The following DSE variants were observed in gnomAD, a reference collection of about 807,000 sequenced individuals.
DSE encodes dermatan-sulfate epimerase.
Under a neutral mutation model 84.4 loss-of-function variants are expected in DSE, and 36 were observed. The ratio of observed to expected loss-of-function variants is 0.43; its 90% CI spans 0.33 to 0.56. The LOEUF (loss-of-function observed/expected upper bound fraction) is 0.56. Among genes scored for constraint, DSE ranks in the 20% least tolerant of loss-of-function variants. The pLI is 0.06. For missense variants in DSE, 862 were observed against 1,169.6 expected (o/e 0.74, Z 3.84); for synonymous variants, 410 against 430.1 (o/e 0.95, Z 0.58).
Position 116,441,160 on chromosome 6 carries a change from A to G in DSE, c.*3815A>G, listed in dbSNP as rs1784412050. The G allele has an allele frequency of 6.6e-6, 1 of 152,246 alleles. No individual in the cohort carries two copies. Among genetic ancestry groups the G allele is most frequent in the South Asian group, 2.1e-4 (1 of 4,834 alleles). The allele number at this position is 152,246 out of a possible 1,614,324, so 9.4% of individuals were successfully genotyped here. ...TGATATAAATCATGTGTTCCACTACATAGTCTAAATATTTAGTATTTGGTC... is the reference window on the plus strand; with the variant it reads ...TGATATAAATCATGTGTTCCACTACGTAGTCTAAATATTTAGTATTTGGTC... On this transcript the variant is annotated 3_prime_UTR_variant, in exon 6 of 6. Transcript: ENST00000644252.
chr6:116,384,673 C>G (rs1361440549), intron 1 of DSE, among the ~76,000 whole-genome samples: 3 of 152,046 alleles, frequency 2.0e-5, no homozygotes, highest in African/African-American at 7.2e-5. Flanking sequence ...AGCTGTATAA[C>G]TATATGTTTA....
At chr6:116,411,574 G>C (rs1195538357) in intron 2 of DSE, among the ~76,000 whole-genome samples, 1 of 152,186 alleles carries the variant, frequency 6.6e-6, no homozygotes, top group African/African-American at 2.4e-5. Flanking sequence ...GTTCATATCT[G>C]TGATTCATTT....
chr6:116,402,700 T>C (rs1781672142), intron 2 of DSE, among the ~76,000 whole-genome samples: 1 of 152,152 alleles, frequency 6.6e-6, no homozygotes, highest in East Asian at 1.9e-4. Flanking sequence ...AACTAGAACA[T>C]CTGTTTAACT....
chr6:116,328,091 A>G (rs1776732767), intron 2 of DSE, among the ~76,000 whole-genome samples: 1 of 152,196 alleles, frequency 6.6e-6, no homozygotes, highest in South Asian at 2.1e-4. Context: ...AACAGAACCA[A>G]ACAGGAAGCA....
intron 2 of DSE, among the ~76,000 whole-genome samples, chr6:116,407,895 G>T (rs1009294508): frequency 5.9e-5 from 9 of 152,100 alleles, no homozygotes; most frequent in African/African-American, 2.2e-4. Flanking sequence ...TCTTCCCAGT[G>T]GTCCAGTTGG....
chr6:116,331,034 T>C (rs1056089972), intron 2 of DSE, among the ~76,000 whole-genome samples: 2 of 152,224 alleles, frequency 1.3e-5, no homozygotes, highest in African/African-American at 4.8e-5. Context: ...ATGATAATTG[T>C]ACTAGATGCA....
chr6:116,359,020 T>TATTAGTG (rs1778736476), intron 2 of DSE, among the ~76,000 whole-genome samples: 1 of 152,224 alleles, frequency 6.6e-6, no homozygotes, highest in Admixed American at 6.5e-5. Context: ...AGTTGCAATC[T>TATTAGTG]ATTAGTGGGT....
chr6:116,428,014 T>G (rs1468951423), intron 3 of DSE, among the ~76,000 whole-genome samples: 1 of 151,868 alleles, frequency 6.6e-6, no homozygotes, highest in African/African-American at 2.4e-5. Flanking sequence ...CATGGGGAAA[T>G]CCCGTCTCTA....
chr6:116,325,329 T>C (rs1776556001), intron 2 of DSE, among the ~76,000 whole-genome samples: 1 of 152,220 alleles, frequency 6.6e-6, no homozygotes, highest in Admixed American at 6.5e-5. Context: ...CCACCACAAG[T>C]TGTGATGTGC....
At chr6:116,304,135 A>G (rs576020292) in intron 2 of DSE, among the ~76,000 whole-genome samples, 11 of 152,036 alleles carry the variant, frequency 7.2e-5, no homozygotes, top group Admixed American at 6.5e-4. Context: ...AAAAAAAAAA[A>G]AAGAAAGAAA....
At chr6:116,395,972 A>G (rs1471929998) in intron 1 of DSE, among the ~76,000 whole-genome samples, 1 of 152,144 alleles carries the variant, frequency 6.6e-6, no homozygotes. Flanking sequence ...AAACTAGTGG[A>G]TAGTTTTTAG....
At chr6:116,285,275 G>C (rs1237836163) in intron 2 of DSE, among the ~76,000 whole-genome samples, 1 of 152,184 alleles carries the variant, frequency 6.6e-6, no homozygotes, top group Non-Finnish European at 1.5e-5. Flanking sequence ...GGCCAGTGAT[G>C]ATGAGCATTT....
At chr6:116,347,425 G>A (rs1644096996) in intron 2 of DSE, among the ~76,000 whole-genome samples, 1 of 150,006 alleles carries the variant, frequency 6.7e-6, no homozygotes, top group South Asian at 2.2e-4. Flanking sequence ...AAACAGCATG[G>A]TACTGGTACC....
chr6:116,320,274 A>C (rs1244536387), intron 2 of DSE, among the ~76,000 whole-genome samples: 1 of 152,144 alleles, frequency 6.6e-6, no homozygotes, highest in African/African-American at 2.4e-5. Flanking sequence ...GGTTACTCTC[A>C]ACATCAGAAT....
chr6:116,314,243 A>G (rs1775849042), intron 2 of DSE, among the ~76,000 whole-genome samples: 1 of 152,148 alleles, frequency 6.6e-6, no homozygotes, highest in Non-Finnish European at 1.5e-5. Context: ...TTTAAAAATC[A>G]TTTCTAGTAT....
rs757610525 is a variant in DSE at position 116,437,070 on chromosome 6, G to A, written c.2602G>A (p.Glu868Lys). Residue 868 changes from glutamate to lysine, a missense_variant, in exon 6 of 6, where the codon GAG (glutamate) becomes AAG (lysine). Around this residue, in one of 4 missense-constraint regions of DSE, gnomAD observed 315 missense variants for 348.1 expected, o/e 0.90. Coordinates refer to ENST00000644252, the MANE Select transcript of DSE (RefSeq NM_013352.4). ...TTTAGATTTTGCAGATGTAACATAC[G>A]AGAAACATAAAAATGGGGGCTTGAT... is the stretch of plus-strand genomic sequence containing the variant. ...DLLDFADVTY[E>K]KHKNGGLIKG... 10 of 1,613,854 alleles carry A rather than the reference G, an allele frequency of 6.2e-6. No individual in the cohort carries two copies. Among genetic ancestry groups the A allele is most frequent in the East Asian group, 4.5e-5 (2 of 44,880 alleles).
At chr6:116,279,810 G>C in intron 2 of DSE, 1 of 1,612,982 alleles carries the variant, frequency 6.2e-7, no homozygotes, top group Non-Finnish European at 8.5e-7. Context: ...TGGTCCTCTT[G>C]ACCCCATCCA....
chr6:116,274,126 G>A (rs4946151), intron 2 of DSE, among the ~76,000 whole-genome samples: 6 of 151,550 alleles, frequency 4.0e-5, no homozygotes, highest in Non-Finnish European at 4.4e-5. Flanking sequence ...CACCCTGCCC[G>A]GCTGCTTTTT....
chr6:116,403,823 C>T (rs1327372964), intron 2 of DSE, among the ~76,000 whole-genome samples: 1 of 152,216 alleles, frequency 6.6e-6, no homozygotes, highest in African/African-American at 2.4e-5. Flanking sequence ...GCAGCCTTCT[C>T]ATCCTTGCAG....
Sources: gnomAD v4.1 joint callset for allele counts (sites outside exome capture counted in the v4.1 genomes callset) on GRCh38, gnomAD v4.1.1 for gene constraint, gnomAD v4.1.1 regional missense constraint, MANE v1.5 for transcripts, NCBI Gene and HGNC (gene_info 2026-07-23, HGNC 2026-07-21) for gene names.